ANO2: variants seen among roughly 807,000 people sequenced by gnomAD.
The protein encoded by ANO2 is anoctamin-2.
A neutral mutation model predicts 124.2 loss-of-function variants in ANO2; 101 were observed. The observed-to-expected ratio is 0.81, with a 90% CI of 0.69 to 0.96. The LOEUF is 0.96. ANO2 is among the 40% of genes least tolerant of loss of function. ANO2 has a pLI of 0.00. For synonymous variants in ANO2, 486 were observed against 482.5 expected, an observed-to-expected ratio of 1.01 and a Z score of -0.09; for missense variants, 1,293 against 1,274.5, an observed-to-expected ratio of 1.01 and a Z score of -0.22.
chr12:5,726,286 C>T (rs760810567), intron 14 of ANO2, among the ~76,000 whole-genome samples: 1 of 152,202 alleles, frequency 6.6e-6, no homozygotes, highest in African/African-American at 2.4e-5. Flanking sequence ...ATTCTCCCCA[C>T]TGTTGTCCTC....
intron 1 of ANO2, among the ~76,000 whole-genome samples, chr12:5,939,284 G>C (rs1942799560): frequency 6.8e-6 from 1 of 148,028 alleles, no homozygotes; most frequent in African/African-American, 2.5e-5. Flanking sequence ...AAAAGCTCCA[G>C]AATTCTAAAC....
In ANO2 at chr12:5,879,051, T is replaced by A. The variant is rs189394729; in HGVS notation, c.535-24910A>T. Among the ~76,000 whole-genome samples the A allele has an allele frequency of 6.6e-5, 10 of 152,342 alleles. No homozygotes were observed. In the East Asian group the frequency reaches 1.9e-3, roughly 29 times the overall value. ...CAAGTGTGGAAGGCCTGCGAGAACA[T>A]GACAGTGTTCTTCATCCTTCTCCAC... is the stretch of plus-strand genomic sequence containing the variant. On this transcript the variant is annotated intron_variant, in intron 3 of 24. Coordinates refer to ENST00000682330, the MANE Select transcript of ANO2 (RefSeq NM_001364791.2).
At position 5,862,962 on chromosome 12, in the gene ANO2, T is replaced by C. The variant is rs1955317478; in HGVS notation, c.535-8821A>G. Reference sequence around the variant, plus strand: ...CCCACCACCACACCCAGCTAATTTTTTGTATTTTTTTCTTTTTTTTAGTAG... The same window carrying C: ...CCCACCACCACACCCAGCTAATTTTCTGTATTTTTTTCTTTTTTTTAGTAG... On this transcript the variant is annotated intron_variant, in intron 3 of 24. Coordinates refer to ENST00000682330, the MANE Select transcript of ANO2 (RefSeq NM_001364791.2). The surrounding 1 kb of genome is among the most constrained non-coding windows in gnomAD (Gnocchi z 4.0). Among the ~76,000 whole-genome samples the C allele has an allele frequency of 6.6e-6, 1 of 151,990 alleles. No individual in the cohort carries two copies. The highest frequency in any genetic ancestry group is 2.1e-4 in the South Asian group (1 of 4,816).
At chr12:5,911,074 C>G (rs1591780363) in intron 3 of ANO2, among the ~76,000 whole-genome samples, 1 of 152,274 alleles carries the variant, frequency 6.6e-6, no homozygotes, top group South Asian at 2.1e-4. Context: ...TAAGCCTTCC[C>G]AGTCCATCAG....
At position 5,776,359 on chromosome 12, in the gene ANO2, T is replaced by C. The variant is rs116999271; in HGVS notation, c.1055+23148A>G. 4.5e-4 allele frequency among the ~76,000 whole-genome samples: 69 copies of C among 152,344 alleles called. 1 individual carries two copies. In the East Asian group the frequency reaches 0.012, roughly 26 times the overall value. ...GGTCTTCGGCTACCATTGCCTGCTCTCTTGTTATGTAACTGGTTGTGTCTT... is the reference window on the plus strand; with the variant it reads ...GGTCTTCGGCTACCATTGCCTGCTCCCTTGTTATGTAACTGGTTGTGTCTT... On this transcript the variant is annotated intron_variant, in intron 10 of 24. Transcript: ENST00000682330.
chr12:5,589,055 G>T (rs968480589), intron 20 of ANO2, among the ~76,000 whole-genome samples: 1 of 152,186 alleles, frequency 6.6e-6, no homozygotes, highest in Non-Finnish European at 1.5e-5. Flanking sequence ...TTACTTCAAA[G>T]ACGAGGGTGC....
chr12:5,905,600 G>A (rs905508880), intron 3 of ANO2, among the ~76,000 whole-genome samples: 5 of 152,156 alleles, frequency 3.3e-5, no homozygotes, highest in African/African-American at 7.2e-5. Flanking sequence ...AGGACAAGGA[G>A]ACAGTGCCTG....
At chr12:5,724,921 T>C (rs185761897) in intron 14 of ANO2, among the ~76,000 whole-genome samples, 23 of 152,316 alleles carry the variant, frequency 1.5e-4, no homozygotes, top group East Asian at 7.7e-4. Context: ...ATATGTTTCA[T>C]AGAAGTATGA....
chr12:5,664,754 A>G (rs1234170958), intron 14 of ANO2, among the ~76,000 whole-genome samples: 1 of 152,222 alleles, frequency 6.6e-6, no homozygotes, highest in African/African-American at 2.4e-5. Context: ...AGAAAACTGG[A>G]TTTTCCAGGT....
At chr12:5,825,643 G>A (rs1019056000) in intron 7 of ANO2, among the ~76,000 whole-genome samples, 2 of 152,182 alleles carry the variant, frequency 1.3e-5, no homozygotes, top group African/African-American at 4.8e-5. Flanking sequence ...GGCTAAGGAG[G>A]GAATTACAGT....
chr12:5,817,530 A>C (rs1009538638), intron 7 of ANO2, among the ~76,000 whole-genome samples: 1 of 152,206 alleles, frequency 6.6e-6, no homozygotes, highest in Non-Finnish European at 1.5e-5. Context: ...GTTTGATAAG[A>C]GCTCCAAGGA....
At chr12:5,895,146 T>A (rs1939684565) in intron 3 of ANO2, among the ~76,000 whole-genome samples, 2 of 152,196 alleles carry the variant, frequency 1.3e-5, no homozygotes, top group Admixed American at 6.5e-5. Context: ...TTCCATTTGT[T>A]TGTGTCCTCT....
chr12:5,827,181 T>C (rs1480881107), intron 7 of ANO2, among the ~76,000 whole-genome samples: 1 of 152,214 alleles, frequency 6.6e-6, no homozygotes, highest in African/African-American at 2.4e-5. Context: ...TTATACTGCC[T>C]GCCTTATACT....
chr12:5,792,566 G>A (rs1490826865), intron 10 of ANO2, among the ~76,000 whole-genome samples: 1 of 152,152 alleles, frequency 6.6e-6, no homozygotes, highest in African/African-American at 2.4e-5. Context: ...GGGGTCTGTG[G>A]TGCTGCATCA....
chr12:5,806,619 T>G (rs1417294320), intron 8 of ANO2, among the ~76,000 whole-genome samples: 1 of 152,212 alleles, frequency 6.6e-6, no homozygotes, highest in Non-Finnish European at 1.5e-5. Flanking sequence ...CATGGAGCAT[T>G]TAGCTCAAGG....
At chr12:5,713,077 A>T (rs1471270072) in intron 14 of ANO2, among the ~76,000 whole-genome samples, 1 of 152,184 alleles carries the variant, frequency 6.6e-6, no homozygotes, top group Admixed American at 6.5e-5. Flanking sequence ...AATGGACTGG[A>T]AGGGGGCCTG....
At chr12:5,805,523 G>C (rs925783586) in intron 9 of ANO2, among the ~76,000 whole-genome samples, 5 of 152,148 alleles carry the variant, frequency 3.3e-5, no homozygotes, top group African/African-American at 1.2e-4. Context: ...TCTATAATTT[G>C]GGAGTGGCTA....
At chr12:5,617,011 C>T (rs1030730724) in intron 16 of ANO2, among the ~76,000 whole-genome samples, 13 of 151,928 alleles carry the variant, frequency 8.6e-5, no homozygotes, top group Non-Finnish European at 1.6e-4. Flanking sequence ...CATAGTACCA[C>T]ACTCTCCAAT....
chr12:5,786,993 G>A (rs1483883286), intron 10 of ANO2, among the ~76,000 whole-genome samples: 1 of 152,188 alleles, frequency 6.6e-6, no homozygotes, highest in South Asian at 2.1e-4. Flanking sequence ...GCCACCATAG[G>A]TGAGCAGGGA....
Sources: allele counts gnomAD v4.1 joint callset (sites outside exome capture counted in the v4.1 genomes callset), GRCh38; gene constraint gnomAD v4.1.1; non-coding constraint Gnocchi (gnomAD v3.1); transcripts MANE v1.5; gene names NCBI Gene and HGNC (gene_info 2026-07-23, HGNC 2026-07-21).